Variants in OTOGL observed in about 807,000 individuals in gnomAD.
OTOGL encodes otogelin-like protein.
Under a neutral mutation model 318.5 loss-of-function variants are expected in OTOGL, and 285 were observed. The observed-to-expected ratio is 0.89, with a 90% confidence interval of 0.81 to 0.99. The LOEUF (loss-of-function observed/expected upper bound fraction) is 0.99, where lower values mean the gene tolerates loss of function less well. Among genes scored for constraint, OTOGL ranks in the 50% least tolerant of loss-of-function variants. The probability of loss-of-function intolerance (pLI) is 0.00; values close to 1 mark genes in which losing one functional copy is unlikely to be tolerated. For synonymous variants in OTOGL, 987 were observed against 936.5 expected (o/e 1.05, Z -0.99); for missense variants, 2,899 against 2,845.6 (o/e 1.02, Z -0.43).
intron 33 of OTOGL, among the ~76,000 whole-genome samples, chr12:80,319,312 A>T (rs1386730848): frequency 2.6e-5 from 4 of 152,252 alleles, no homozygotes; most frequent in Non-Finnish European, 5.9e-5. Context: ...TGATCCAGTG[A>T]TGTTCAGGCT....
chr12:80,366,287 A>G (rs760268179), intron 52 of OTOGL: 41 of 450,064 alleles, frequency 9.1e-5, no homozygotes, highest in Non-Finnish European at 1.7e-4. Flanking sequence ...GCAGATGCAG[A>G]CATCAGAACC....
At chr12:80,308,436 T>A (rs1420633973) in intron 29 of OTOGL, among the ~76,000 whole-genome samples, 2 of 150,680 alleles carry the variant, frequency 1.3e-5, no homozygotes, top group Admixed American at 1.3e-4. Flanking sequence ...GCTCCTCACT[T>A]CCCAGATGTG....
chr12:80,285,128 A>T (rs1013299229), intron 26 of OTOGL, among the ~76,000 whole-genome samples: 2 of 152,100 alleles, frequency 1.3e-5, no homozygotes, highest in Non-Finnish European at 2.9e-5. Context: ...CATTTATTTA[A>T]TAGGGAATCC....
chr12:80,229,356 GA>G lies in OTOGL; in HGVS notation c.592del (p.Ile198Ter). The G allele has an allele frequency of 6.3e-7, 1 of 1,595,296 alleles. No individual in the cohort carries two copies. Reference protein sequence around the residue: ...NQEEIRIYGHEIKKNGISLTL... With the variant: ...NQEEIRIYGHXIKKNGISLTL... Reference sequence around the variant, plus strand: ...AGAGGAAATTCGAATTTATGGTCATGAAATAAAAAAGAATGGAATCAGGTAG... The same window carrying G: ...AGAGGAAATTCGAATTTATGGTCATGAATAAAAAAGAATGGAATCAGGTAG... On this transcript the variant is annotated frameshift_variant, in exon 8 of 59. Transcript: ENST00000547103. LOFTEE classifies it high-confidence loss of function.
chr12:80,252,484 T>A (rs1281722396), intron 13 of OTOGL, among the ~76,000 whole-genome samples: 2 of 152,154 alleles, frequency 1.3e-5, no homozygotes, highest in Non-Finnish European at 2.9e-5. Context: ...ATTTAACAAT[T>A]TATATATCTT....
chr12:80,366,733 C>T, intron 53 of OTOGL, 96 bp downstream of exon 53: 1 of 381,548 alleles, frequency 2.6e-6, no homozygotes, highest in Non-Finnish European at 4.1e-6. Flanking sequence ...TTTTGAGACA[C>T]ATACATTTTA....
chr12:80,111,436 G>A (rs1194726999), intron 1 of OTOGL, among the ~76,000 whole-genome samples: 2 of 152,134 alleles, frequency 1.3e-5, no homozygotes, highest in East Asian at 1.9e-4. Context: ...AAGGTGTAAG[G>A]AAGGGGTCCA....
At chr12:80,307,382 G>C (rs527756190) in intron 29 of OTOGL, among the ~76,000 whole-genome samples, 89 of 151,444 alleles carry the variant, frequency 5.9e-4, no homozygotes, top group African/African-American at 2.2e-3. Flanking sequence ...CAGTAGGCGC[G>C]GCCGGGCAGA....
At chr12:80,133,285 G>A (rs1363254453) in intron 1 of OTOGL, among the ~76,000 whole-genome samples, 1 of 151,910 alleles carries the variant, frequency 6.6e-6, no homozygotes. Flanking sequence ...TTGAATATGG[G>A]ATTGAAAGTG....
At chr12:80,123,755 T>C (rs1452584847) in intron 1 of OTOGL, among the ~76,000 whole-genome samples, 12 of 152,184 alleles carry the variant, frequency 7.9e-5, no homozygotes, top group African/African-American at 2.4e-4. Context: ...TGGTATCTCA[T>C]TGTGGTTTTG....
chr12:80,318,635 T>C lies in OTOGL; in HGVS notation c.3724T>C (p.Leu1242=). The C allele has an allele frequency of 6.8e-7, 1 of 1,476,106 alleles. No homozygotes were observed. The highest frequency in any genetic ancestry group is 1.4e-5 in the South Asian group (1 of 70,202). 91.4% of individuals were successfully genotyped at this position (1,476,106 alleles called of 1,614,324 possible). Residue 1242 remains leucine (L), a synonymous_variant, in exon 33 of 59, where the codon TTG becomes CTG. Transcript: ENST00000547103. ...TATGACCAGCAGAAGCGTTTTCTGTTTGCCGAGAAGCAGTGTTCATACCAG... is the reference window on the plus strand; with the variant it reads ...TATGACCAGCAGAAGCGTTTTCTGTCTGCCGAGAAGCAGTGTTCATACCAG... The part of the protein sequence containing the change: ...ANMTSRSVFC[L]PRSSVHTSLF...
intron 52 of OTOGL, among the ~76,000 whole-genome samples, chr12:80,361,771 G>A (rs947325332): frequency 6.6e-6 from 1 of 152,052 alleles, no homozygotes; most frequent in Admixed American, 6.6e-5. Flanking sequence ...CCATTTATAT[G>A]TTTTCTTTTG....
At position 80,253,529 on chromosome 12, in the gene OTOGL, T is replaced by G. The variant is rs372483661; in HGVS notation, c.1349T>G (p.Leu450Ter). The change falls in exon 14 of 59, where the codon TTA becomes TGA. Residue 450 changes from leucine (L) to a stop codon, truncating the protein, a stop_gained. Coordinates refer to ENST00000547103, the MANE Select transcript of OTOGL (RefSeq NM_001378609.3). LOFTEE classifies it high-confidence loss of function. ...LENCPCGFHG[L>*]AYSVGSKIEQ... is the part of the protein sequence containing the mutation. ...AATTGCCCATGCGGTTTTCATGGAT[T>G]AGCTTATTCAGTTGGTTCAAAAATT... 3.7e-6 allele frequency: 6 copies of G among 1,613,098 alleles called. No homozygotes were observed. The highest frequency in any genetic ancestry group is 5.1e-6 in the Non-Finnish European group (6 of 1,179,308).
intron 1 of OTOGL, among the ~76,000 whole-genome samples, chr12:80,133,789 TA>T (rs1449386357): frequency 6.6e-6 from 1 of 151,976 alleles, no homozygotes; most frequent in African/African-American, 2.4e-5. Context: ...ACCCTATCTC[TA>T]CAAAAATACA....
At chr12:80,245,101 T>C (rs1592598802) in intron 11 of OTOGL, among the ~76,000 whole-genome samples, 1 of 111,660 alleles carries the variant, frequency 9.0e-6, no homozygotes, top group East Asian at 2.7e-4. Context: ...TTTTCTCCCA[T>C]GTTGTAGGTT....
intron 55 of OTOGL, among the ~76,000 whole-genome samples, chr12:80,369,961 A>T (rs1373400225): frequency 3.9e-5 from 6 of 152,182 alleles, no homozygotes; most frequent in Non-Finnish European, 8.8e-5. Flanking sequence ...TGACTTTTAA[A>T]TAGAAATTCT....
At chr12:80,103,055 T>G (rs1869234044) in intron 1 of OTOGL, 1 of 1,098,710 alleles carries the variant, frequency 9.1e-7, no homozygotes, top group Non-Finnish European at 1.4e-6. Context: ...TGTGGACAGT[T>G]GTGCCATTAG....
rs138605603 is a variant in OTOGL at position 80,360,273 on chromosome 12, T to G, written c.6267+1373T>G. 1.8e-3 allele frequency among the ~76,000 whole-genome samples: 267 copies of G among 152,218 alleles called. 1 individual carries two copies. The highest frequency in any genetic ancestry group is 6.8e-3 in the Middle Eastern group (2 of 294). ...GTAAATTTCTTAATTTTTTTTCCCT[T>G]TACAAGTCTGACCTAGCCCTTTTCT... is the stretch of plus-strand genomic sequence containing the variant. On this transcript the variant is annotated intron_variant, in intron 52 of 58. Transcript: ENST00000547103.
In OTOGL at chr12:80,313,625, T is replaced by G; in HGVS notation, c.3600T>G (p.Thr1200=). The G allele has an allele frequency of 6.2e-7, 1 of 1,610,764 alleles. No homozygotes were observed. Residue 1200 remains threonine (T), a synonymous_variant, in exon 31 of 59, where the codon ACT becomes ACG. Transcript: ENST00000547103. ...EGISIHWRSS[T]VCSLDCEYYN... ...TATCAATTCATTGGAGATCATCTAC[T>G]GTTTGTTGTAAGTACCCTACTTAGA... is the stretch of plus-strand genomic sequence containing the variant.
Sources: gnomAD v4.1 joint callset for allele counts (sites outside exome capture counted in the v4.1 genomes callset) on GRCh38, gnomAD v4.1.1 for gene constraint, MANE v1.5 for transcripts, NCBI Gene and HGNC (gene_info 2026-07-23, HGNC 2026-07-21) for gene names.